Variants in PI4KA observed in about 807,000 individuals in gnomAD.
PI4KA encodes the protein PI4-kinase alpha.
In PI4KA, 122 loss-of-function variants were observed where a neutral mutation model predicts 271.4. That is an observed-to-expected ratio of 0.45 (90% CI 0.39 to 0.52). The LOEUF is 0.52. PI4KA is among the 20% of genes least tolerant of loss of function. PI4KA has a pLI of 0.00. For synonymous variants in PI4KA, 1,041 were observed against 1,078.8 expected, an observed-to-expected ratio of 0.96 and a Z score of 0.69; for missense variants, 1,969 against 2,769.1, an observed-to-expected ratio of 0.71 and a Z score of 6.48.
chr22:20,846,263 C>CAAAAAAA (rs361641), intron 1 of PI4KA, among the ~76,000 whole-genome samples: 1 of 82,082 alleles, frequency 1.2e-5, no homozygotes, highest in Non-Finnish European at 2.4e-5. Context: ...GACTCTATCT[C>CAAAAAAA]AAAAAAAAAA....
At chr22:20,811,123 A>G (rs1252598268) in intron 8 of PI4KA, 91 bp from the exon 9 acceptor site, 3 of 904,724 alleles carry the variant, frequency 3.3e-6, no homozygotes, top group Admixed American at 3.5e-5. Context: ...ACAAACTCAC[A>G]TGGTGAAAAA....
At chr22:20,750,611 T>C (rs1930573222) in intron 27 of PI4KA, among the ~76,000 whole-genome samples, 1 of 152,246 alleles carries the variant, frequency 6.6e-6, no homozygotes, top group Non-Finnish European at 1.5e-5. Flanking sequence ...CTGTGCAACT[T>C]GTGTCCTGGG....
chr22:20,794,971 C>CAGAAAA (rs1569041791), intron 18 of PI4KA, among the ~76,000 whole-genome samples: 2 of 152,110 alleles, frequency 1.3e-5, no homozygotes, highest in Non-Finnish European at 2.9e-5. Flanking sequence ...TGGCCCTTTA[C>CAGAAAA]AGAAAAAGTG....
Position 20,780,775 on chromosome 22 carries a change from C to CAAAAAAAAAAAAAAAAAAAAAAA in PI4KA, c.2328+12417_2328+12418insTTTTTTTTTTTTTTTTTTTTTTT, listed in dbSNP as rs538327544. Among the ~76,000 whole-genome samples the CAAAAAAAAAAAAAAAAAAAAAAA allele has an allele frequency of 4.3e-4, 29 of 67,664 alleles. 2 individuals are homozygous for CAAAAAAAAAAAAAAAAAAAAAAA. The highest frequency in any genetic ancestry group is 1.1e-3 in the African/African-American group (16 of 15,200). 44.4% of individuals were successfully genotyped at this position (67,664 alleles called of 152,430 possible). ...TGGACGACAGAGTGAGACTCCATCT[C>CAAAAAAAAAAAAAAAAAAAAAAA]AAAAAAAAAAAAAAAAGAAGTAAAA... On this transcript the variant is annotated intron_variant, in intron 19 of 54. Transcript: ENST00000255882.
chr22:20,744,359 T>TA (rs1008605745), intron 30 of PI4KA, among the ~76,000 whole-genome samples: 27 of 151,966 alleles, frequency 1.8e-4, no homozygotes, highest in African/African-American at 5.1e-4. Flanking sequence ...GTTACTGCTG[T>TA]AAAAAAAAGC....
At position 20,792,712 on chromosome 22, in the gene PI4KA, CAGG is replaced by C. The variant is rs1263576575; in HGVS notation, c.2328+478_2328+480del. Among the ~76,000 whole-genome samples, 3 of 152,308 alleles carry C rather than the reference CAGG, an allele frequency of 2.0e-5. No homozygotes were observed. The East Asian group carries it at 5.8e-4, about 29-fold the overall frequency. On this transcript the variant is annotated intron_variant, in intron 19 of 54. Transcript: ENST00000255882. ...GGCTCTCCAACACGATGGTGCCACA[CAGG>C]AGGCAGGGACTGTGCCCGCCATGCC...
intron 19 of PI4KA, among the ~76,000 whole-genome samples, chr22:20,767,352 G>T (rs1180611221): frequency 1.3e-5 from 2 of 152,032 alleles, no homozygotes. Flanking sequence ...GCTGAGGCAG[G>T]AGAATGGCGT....
chr22:20,728,804 T>C (rs1256279794), intron 39 of PI4KA, among the ~76,000 whole-genome samples: 1 of 152,202 alleles, frequency 6.6e-6, no homozygotes, highest in Middle Eastern at 3.2e-3. Flanking sequence ...GGTGGGATTC[T>C]AAACAGGGAC....
At chr22:20,836,959 TA>T (rs1174640182) in intron 2 of PI4KA, among the ~76,000 whole-genome samples, 1 of 152,224 alleles carries the variant, frequency 6.6e-6, no homozygotes, top group Non-Finnish European at 1.5e-5. Flanking sequence ...TATTATCAAG[TA>T]ATCCACATTT....
intron 1 of PI4KA, among the ~76,000 whole-genome samples, chr22:20,848,116 T>C (rs1186614196): frequency 6.6e-6 from 1 of 151,754 alleles, no homozygotes; most frequent in Non-Finnish European, 1.5e-5. Context: ...TGCACACCTG[T>C]AGTCCCAGCT....
At chr22:20,834,959 G>A (rs1924670119) in intron 2 of PI4KA, among the ~76,000 whole-genome samples, 1 of 152,160 alleles carries the variant, frequency 6.6e-6, no homozygotes, top group African/African-American at 2.4e-5. Context: ...GCCTCTCCAG[G>A]AGGTACACGT....
intron 19 of PI4KA, chr22:20,783,996 T>C: frequency 2.5e-6 from 4 of 1,614,004 alleles, no homozygotes; most frequent in Non-Finnish European, 3.4e-6. Flanking sequence ...AAATTCCCAG[T>C]GGAAATGACA....
chr22:20,764,306 C>A (rs1196985044), intron 22 of PI4KA, among the ~76,000 whole-genome samples: 2 of 152,180 alleles, frequency 1.3e-5, no homozygotes, highest in Non-Finnish European at 2.9e-5. Flanking sequence ...CTTCTGAGGT[C>A]AACATGATAA....
intron 22 of PI4KA, 69 bp downstream of exon 22, chr22:20,764,748 G>A (rs1032408977): frequency 4.0e-5 from 60 of 1,489,272 alleles, no homozygotes; most frequent in African/African-American, 7.0e-5. Flanking sequence ...TCATGCTTAC[G>A]AGGGCACAAA....
At chr22:20,857,475 C>T (rs1168565747) in intron 1 of PI4KA, among the ~76,000 whole-genome samples, 1 of 152,206 alleles carries the variant, frequency 6.6e-6, no homozygotes, top group Non-Finnish European at 1.5e-5. Flanking sequence ...CTCCCAACTG[C>T]AGCAGGCTGG....
chr22:20,828,983 A>G (rs1015633612), intron 3 of PI4KA, among the ~76,000 whole-genome samples: 1 of 152,170 alleles, frequency 6.6e-6, no homozygotes, highest in Admixed American at 6.5e-5. Flanking sequence ...ATTTGCATAC[A>G]TTGTATCGAT....
intron 19 of PI4KA, among the ~76,000 whole-genome samples, chr22:20,769,033 A>T (rs1932761636): frequency 6.6e-6 from 1 of 152,164 alleles, no homozygotes; most frequent in Admixed American, 6.5e-5. Context: ...TTCAAGGCCT[A>T]TGTGGCTAAG....
chr22:20,745,891 C>CT (rs1930000558), intron 29 of PI4KA, among the ~76,000 whole-genome samples: 1 of 151,634 alleles, frequency 6.6e-6, no homozygotes, highest in Admixed American at 6.6e-5. Flanking sequence ...TCACTCCTCA[C>CT]TGCCCAATGC....
intron 10 of PI4KA, 61 bp from the exon 11 acceptor site, chr22:20,805,226 C>G: frequency 8.6e-7 from 1 of 1,160,294 alleles, no homozygotes; most frequent in East Asian, 2.4e-5. Flanking sequence ...ACAGGCAGTG[C>G]TAGCAGCGGC....
Sources: gnomAD v4.1 joint callset for allele counts (sites outside exome capture counted in the v4.1 genomes callset) on GRCh38, gnomAD v4.1.1 for gene constraint, MANE v1.5 for transcripts, NCBI Gene and HGNC (gene_info 2026-07-23, HGNC 2026-07-21) for gene names.